Variants in FMO4 observed in about 807,000 individuals in gnomAD.
The protein encoded by FMO4 is flavin containing dimethylaniline monoxygenase 4.
A neutral mutation model predicts 43.3 loss-of-function variants in FMO4; 38 were observed. The observed-to-expected ratio is 0.88, with a 90% CI of 0.68 to 1.15. The LOEUF (loss-of-function observed/expected upper bound fraction) is 1.15, where lower values mean the gene tolerates loss of function less well. Among genes scored for constraint, FMO4 ranks in the 50% most tolerant of loss-of-function variants. The pLI is 0.00. For synonymous variants in FMO4, 224 were observed against 232.2 expected, an observed-to-expected ratio of 0.96 and a Z score of 0.32; for missense variants, 631 against 663.3, an observed-to-expected ratio of 0.95 and a Z score of 0.54.
intron 7 of FMO4, 95 bp downstream of exon 7, chr1:171,333,003 G>A (rs1662966062): frequency 1.4e-6 from 1 of 707,888 alleles, no homozygotes; most frequent in Non-Finnish European, 2.4e-6. Flanking sequence ...TTGTAATATT[G>A]CCTTTGTTTA....
At chr1:171,335,104 A>G (rs1044021595) in intron 8 of FMO4, among the ~76,000 whole-genome samples, 11 of 152,216 alleles carry the variant, frequency 7.2e-5, no homozygotes, top group African/African-American at 2.7e-4. Context: ...ATAATTTTAT[A>G]TTGCTTCCAA....
chr1:171,339,542 T>C (rs1663271655), intron 9 of FMO4, among the ~76,000 whole-genome samples: 2 of 152,126 alleles, frequency 1.3e-5, no homozygotes, highest in African/African-American at 2.4e-5. Context: ...AATCGAGCTG[T>C]TGCAATTCTT....
At chr1:171,317,137 T>C (rs1408619117) in intron 2 of FMO4, among the ~76,000 whole-genome samples, 1 of 152,222 alleles carries the variant, frequency 6.6e-6, no homozygotes, top group Admixed American at 6.5e-5. Flanking sequence ...GTGCAAACTC[T>C]GCCTCTTAAT....
At position 171,334,283 on chromosome 1, in the gene FMO4, G is replaced by A. The variant is rs1196638021; in HGVS notation, c.828-128G>A. ...CATACTAAGTCAAGTAGATGACTTT[G>A]AATTAGACATTGGTTAATTCTCTTC... On this transcript the variant is annotated intron_variant, in intron 7 of 9. Coordinates refer to ENST00000367749, the MANE Select transcript of FMO4 (RefSeq NM_002022.3). 1.3e-5 allele frequency: 8 copies of A among 621,796 alleles called. No individual in the cohort carries two copies. In the East Asian group the frequency reaches 2.2e-4, roughly 17 times the overall value. 38.5% of individuals were successfully genotyped at this position (621,796 alleles called of 1,614,324 possible). A position where few individuals can be genotyped will look rare whatever the true frequency, so the allele number is the denominator to read the frequency against.
At chr1:171,341,342 T>G (rs1663361561) in intron 9 of FMO4, 71 bp from the exon 10 acceptor site, 2 of 1,100,936 alleles carry the variant, frequency 1.8e-6, no homozygotes, top group African/African-American at 3.1e-5. Flanking sequence ...GGAGGATGGG[T>G]GGGTCTGATA....
chr1:171,323,120 C>G lies in FMO4; in HGVS notation c.249C>G (p.Asn83Lys). Residue 83 changes from asparagine (N) to lysine (K), a missense_variant, in exon 4 of 10, where the codon AAC becomes AAG. Asn to Lys is a moderately conservative substitution (Grantham distance 94). Coordinates refer to ENST00000367749, the MANE Select transcript of FMO4 (RefSeq NM_002022.3). ...PFHEDYPNFM[N>K]HEKFWDYLQE... ...ACGAAGATTATCCTAATTTCATGAACCATGAAAAATTTTGGGACTATCTCC... is the reference window on the plus strand; with the variant it reads ...ACGAAGATTATCCTAATTTCATGAAGCATGAAAAATTTTGGGACTATCTCC... 6.2e-7 allele frequency: 1 copy of G among 1,612,696 alleles called. No individual in the cohort carries two copies. Among genetic ancestry groups the G allele is most frequent in the African/African-American group, 1.3e-5 (1 of 75,006 alleles).
rs1248126676 is a variant in FMO4 at position 171,322,999 on chromosome 1, C to T, written c.133-5C>T. 5 of 1,610,084 alleles carry T rather than the reference C, an allele frequency of 3.1e-6. No individual in the cohort carries two copies. The Admixed American group carries it at 8.4e-5, about 27-fold the overall frequency. On this transcript the variant is annotated splice_polypyrimidine_tract_variant and splice_region_variant and intron_variant, in intron 3 of 9. Coordinates refer to ENST00000367749, the MANE Select transcript of FMO4 (RefSeq NM_002022.3). Reference sequence around the variant, plus strand: ...CCCAACAAGCTAACTATGCCTTCACCACAGGAATCTTCCAAAGATGGGATG... The same window carrying T: ...CCCAACAAGCTAACTATGCCTTCACTACAGGAATCTTCCAAAGATGGGATG...
rs1227972832 is a variant in FMO4 at position 171,334,396 on chromosome 1, T to C, written c.828-15T>C. ...AAAATAACTACAGTGAATAATTTTC[T>C]CCTGTGTGTCAAAGGAAAAAAGCAA... is the stretch of plus-strand genomic sequence containing the variant. On this transcript the variant is annotated splice_polypyrimidine_tract_variant and intron_variant, in intron 7 of 9. Transcript: ENST00000367749. 6.8e-7 allele frequency: 1 copy of C among 1,479,978 alleles called. No individual in the cohort carries two copies. The allele number at this position is 1,479,978 out of a possible 1,614,324, so 91.7% of individuals were successfully genotyped here.
chr1:171,339,432 C>A (rs1036055585), intron 9 of FMO4, among the ~76,000 whole-genome samples: 1 of 152,098 alleles, frequency 6.6e-6, no homozygotes, highest in Non-Finnish European at 1.5e-5. Flanking sequence ...CCAAGGTATT[C>A]CATACATACA....
At chr1:171,327,331 G>A (rs1662711042) in intron 5 of FMO4, among the ~76,000 whole-genome samples, 1 of 152,194 alleles carries the variant, frequency 6.6e-6, no homozygotes, top group South Asian at 2.1e-4. Flanking sequence ...TCTTCTGGGA[G>A]GGAGTATAGT....
In FMO4 at chr1:171,337,371, C is replaced by T. The variant is rs1242416034; in HGVS notation, c.1196C>T (p.Pro399Leu). The T allele has an allele frequency of 1.2e-6, 2 of 1,611,494 alleles. No homozygotes were observed. The highest frequency in any genetic ancestry group is 1.7e-6 in the Non-Finnish European group (2 of 1,177,754). The part of the protein sequence containing the change: ...TRVFKGLCKI[P>L]PSQKLMMEAT... ...TTTCCCACAGGACTCTGTAAGATAC[C>T]TCCATCCCAAAAATTGATGATGGAG... Residue 399 changes from proline (P) to leucine (L), a missense_variant, in exon 9 of 10, where the codon CCT becomes CTT. Transcript: ENST00000367749.
intron 8 of FMO4, 30 bp from the exon 9 acceptor site, chr1:171,337,326 C>T: frequency 2.0e-6 from 3 of 1,495,760 alleles, no homozygotes; most frequent in Non-Finnish European, 2.8e-6. Context: ...CCACATGTGA[C>T]TTTAGTGTTG....
At chr1:171,337,945 C>A (rs1048512388) in intron 9 of FMO4, among the ~76,000 whole-genome samples, 2 of 151,864 alleles carry the variant, frequency 1.3e-5, no homozygotes, top group Non-Finnish European at 2.9e-5. Context: ...ACTCCTAATT[C>A]CCCTCCCTCT....
Position 171,319,926 on chromosome 1 carries a change from G to C in FMO4, c.101G>C (p.Ser34Thr), listed in dbSNP as rs767782831. 1.2e-6 allele frequency: 2 copies of C among 1,613,948 alleles called. No homozygotes were observed. Among genetic ancestry groups the C allele is most frequent in the Non-Finnish European group, 8.5e-7 (1 of 1,179,848 alleles). ...CTGGAGCCCACCTGCTTTGAGAGAA[G>C]TGATGACATTGGGGGATTATGGAAG... The part of the protein sequence containing the change: ...EDLEPTCFER[S>T]DDIGGLWKFT... Residue 34 changes from serine to threonine, a missense_variant, in exon 3 of 10, where the codon AGT becomes ACT. By Grantham distance (58) the Ser-to-Thr change is moderately conservative. Transcript: ENST00000367749.
At chr1:171,326,361 C>A (rs554172763) in intron 5 of FMO4, among the ~76,000 whole-genome samples, 1 of 152,128 alleles carries the variant, frequency 6.6e-6, no homozygotes, top group Non-Finnish European at 1.5e-5. Context: ...CACATGCATA[C>A]CCTTTTTAAA....
chr1:171,318,830 C>T (rs1409169580), intron 2 of FMO4, among the ~76,000 whole-genome samples: 1 of 152,090 alleles, frequency 6.6e-6, no homozygotes, highest in Non-Finnish European at 1.5e-5. Flanking sequence ...ACTATTAAAA[C>T]GGAAGAGTTC....
At chr1:171,317,972 T>C (rs927242194) in intron 2 of FMO4, among the ~76,000 whole-genome samples, 1 of 152,146 alleles carries the variant, frequency 6.6e-6, no homozygotes, top group African/African-American at 2.4e-5. Context: ...CAAGGTACTG[T>C]CTACACTCTC....
At chr1:171,322,563 C>T (rs1662478383) in intron 3 of FMO4, among the ~76,000 whole-genome samples, 2 of 152,116 alleles carry the variant, frequency 1.3e-5, no homozygotes, top group Non-Finnish European at 2.9e-5. Context: ...TTTAAAATTA[C>T]AAATAGTGGC....
At position 171,332,864 on chromosome 1, in the gene FMO4, T is replaced by G; in HGVS notation, c.783T>G (p.Asn261Lys). The G allele has an allele frequency of 6.3e-7, 1 of 1,583,398 alleles. No homozygotes were observed. Among genetic ancestry groups the G allele is most frequent in the Non-Finnish European group, 8.7e-7 (1 of 1,152,178 alleles). The part of the protein sequence containing the change: ...FLNWIQERKL[N>K]KRFNHEDYGL... ...ACTGGATTCAAGAAAGGAAGTTGAA[T>G]AAGAGATTTAATCATGAGGATTATG... is the stretch of plus-strand genomic sequence containing the variant. The change falls in exon 7 of 10, where the codon AAT becomes AAG. Residue 261 changes from asparagine to lysine, a missense_variant. By Grantham distance (94) the Asn-to-Lys change is moderately conservative. Transcript: ENST00000367749.
Sources: allele counts gnomAD v4.1 joint callset (sites outside exome capture counted in the v4.1 genomes callset), GRCh38; gene constraint gnomAD v4.1.1; transcripts MANE v1.5; gene names NCBI Gene and HGNC (gene_info 2026-07-23, HGNC 2026-07-21).